PATL2: variants seen among roughly 807,000 people sequenced by gnomAD.
PATL2 encodes the protein protein PAT1 homolog 2.
Under a neutral mutation model 77.0 loss-of-function variants are expected in PATL2, and 73 were observed. That is an observed-to-expected ratio of 0.95 (90% CI 0.78 to 1.15). The LOEUF (loss-of-function observed/expected upper bound fraction) is 1.15, where lower values mean the gene tolerates loss of function less well. Among genes scored for constraint, PATL2 ranks in the 50% most tolerant of loss-of-function variants. The pLI, the probability that PATL2 is intolerant of heterozygous loss-of-function variation, is 0.00. For missense variants in PATL2, 618 were observed against 655.4 expected (o/e 0.94, Z 0.62); for synonymous variants, 265 against 257.1 (o/e 1.03, Z -0.29).
intron 9 of PATL2, among the ~76,000 whole-genome samples, 160 bp from the exon 10 acceptor site, chr15:44,670,247 G>A (rs2085605893): frequency 6.6e-6 from 1 of 152,180 alleles, no homozygotes; most frequent in African/African-American, 2.4e-5. Flanking sequence ...TCACCCAGCT[G>A]GAGTGCAGTG....
intron 3 of PATL2, among the ~76,000 whole-genome samples, chr15:44,680,793 G>A (rs897489213): frequency 2.0e-5 from 3 of 152,072 alleles, no homozygotes; most frequent in Admixed American, 6.6e-5. Context: ...TTATAGTGGT[G>A]GCAACAGGGA....
chr15:44,673,155 G>C, intron 7 of PATL2, 80 bp downstream of exon 7: 2 of 1,470,136 alleles, frequency 1.4e-6, no homozygotes, highest in Non-Finnish European at 1.8e-6. Flanking sequence ...GTGTTTCCCT[G>C]TGGCAACTGG....
intron 6 of PATL2, among the ~76,000 whole-genome samples, chr15:44,673,874 G>A (rs2085817189): frequency 6.6e-6 from 1 of 152,218 alleles, no homozygotes; most frequent in African/African-American, 2.4e-5. Context: ...GCCATCTGCT[G>A]AAAGATTGCC....
chr15:44,688,175 G>A (rs1423034051), intron 3 of PATL2, among the ~76,000 whole-genome samples: 1 of 151,004 alleles, frequency 6.6e-6, no homozygotes, highest in East Asian at 1.9e-4. Context: ...GAACCCGGGA[G>A]GCAGAGCTTG....
rs191319277 is a variant in PATL2 at position 44,678,615 on chromosome 15, G to C, written c.-75-2050C>G. ...CCACAGCCTGTTAGAGCTTCTTCTA[G>C]AATAAGAAGTACACACAGGTACACA... On this transcript the variant is annotated intron_variant, in intron 3 of 17. Coordinates refer to ENST00000682850, the MANE Select transcript of PATL2 (RefSeq NM_001387263.1). Among the ~76,000 whole-genome samples the C allele has an allele frequency of 2.6e-5, 4 of 152,194 alleles. No individual in the cohort carries two copies. In the East Asian group the frequency reaches 7.7e-4, roughly 29 times the overall value.
At position 44,669,573 on chromosome 15, in the gene PATL2, G is replaced by C; in HGVS notation, c.877-10C>G. Reference sequence around the variant, plus strand: ...TTGCAGCTTCTATATCCTAGGAGAAGGGAGTCACCAGCTATCAGCTACACT... The same window carrying C: ...TTGCAGCTTCTATATCCTAGGAGAACGGAGTCACCAGCTATCAGCTACACT... On this transcript the variant is annotated splice_polypyrimidine_tract_variant and intron_variant, in intron 11 of 17. Coordinates refer to ENST00000682850, the MANE Select transcript of PATL2 (RefSeq NM_001387263.1). 1 of 1,550,546 alleles carries C rather than the reference G, an allele frequency of 6.4e-7. No individual in the cohort carries two copies. The highest frequency in any genetic ancestry group is 1.2e-5 in the South Asian group (1 of 83,974).
intron 3 of PATL2, chr15:44,677,001 G>A: frequency 1.4e-6 from 1 of 696,928 alleles, no homozygotes; most frequent in Non-Finnish European, 1.8e-6. Flanking sequence ...TCCATCCATT[G>A]GGGCCTGATG....
chr15:44,701,752 G>C (rs1316112008), intron 3 of PATL2, among the ~76,000 whole-genome samples: 1 of 141,692 alleles, frequency 7.1e-6, no homozygotes, highest in Non-Finnish European at 1.6e-5. Context: ...AATTTACAAA[G>C]AAAAGAGTTT....
At chr15:44,676,717 A>C (rs1203101099) in intron 3 of PATL2, 152 bp from the exon 4 acceptor site, 1 of 1,214,672 alleles carries the variant, frequency 8.2e-7, no homozygotes, top group African/African-American at 1.5e-5. Context: ...AGACTGCCAT[A>C]AACACCCACC....
chr15:44,691,133 TGG>T (rs1289775171), intron 3 of PATL2, among the ~76,000 whole-genome samples: 1 of 152,112 alleles, frequency 6.6e-6, no homozygotes, highest in Admixed American at 6.5e-5. Context: ...AAAATATATT[TGG>T]TTATAAAAAA....
chr15:44,672,317 C>T (rs560999105), intron 8 of PATL2, 71 bp downstream of exon 8: 1 of 1,526,108 alleles, frequency 6.6e-7, no homozygotes, highest in Non-Finnish European at 8.9e-7. Flanking sequence ...TTGAGGGAGA[C>T]AACTGGTCAC....
chr15:44,708,367 T>G (rs2086783719), intron 3 of PATL2, among the ~76,000 whole-genome samples: 1 of 152,210 alleles, frequency 6.6e-6, no homozygotes, highest in Non-Finnish European at 1.5e-5. Flanking sequence ...TACAATATAT[T>G]ACACTTAAAG....
intron 3 of PATL2, among the ~76,000 whole-genome samples, chr15:44,685,391 G>A (rs932565126): frequency 2.6e-5 from 4 of 152,276 alleles, no homozygotes; most frequent in African/African-American, 7.2e-5. Context: ...GGTGGATCAC[G>A]AGGTCAAGAG....
At chr15:44,699,775 G>C (rs2086590339) in intron 3 of PATL2, among the ~76,000 whole-genome samples, 1 of 152,136 alleles carries the variant, frequency 6.6e-6, no homozygotes, top group Admixed American at 6.6e-5. Context: ...TCCAATGTAG[G>C]TTTTTGACAA....
chr15:44,700,126 T>A (rs535222119), intron 3 of PATL2, among the ~76,000 whole-genome samples: 37 of 152,308 alleles, frequency 2.4e-4, no homozygotes, highest in Non-Finnish European at 5.0e-4. Flanking sequence ...TCCCAATCCA[T>A]GAACATGGAA....
intron 3 of PATL2, among the ~76,000 whole-genome samples, chr15:44,680,959 G>C (rs1462676264): frequency 6.6e-6 from 1 of 152,160 alleles, no homozygotes; most frequent in Non-Finnish European, 1.5e-5. Flanking sequence ...GCTTGAAAAA[G>C]TATATCTGGA....
chr15:44,696,948 G>C (rs2086516577), intron 3 of PATL2, among the ~76,000 whole-genome samples: 1 of 152,128 alleles, frequency 6.6e-6, no homozygotes, highest in African/African-American at 2.4e-5. Flanking sequence ...CGCAAAGCCT[G>C]CACTTAACCA....
intron 3 of PATL2, among the ~76,000 whole-genome samples, chr15:44,707,617 T>C (rs1203971678): frequency 1.3e-5 from 2 of 152,104 alleles, no homozygotes; most frequent in South Asian, 2.1e-4. Flanking sequence ...GACAAACTCA[T>C]CTTTGTTCTT....
intron 3 of PATL2, among the ~76,000 whole-genome samples, chr15:44,707,559 T>A (rs2086765648): frequency 6.6e-6 from 1 of 152,142 alleles, no homozygotes; most frequent in Non-Finnish European, 1.5e-5. Context: ...GCCTCAGGAC[T>A]TTGCCTGGTG....
Sources: gnomAD v4.1 joint callset for allele counts (sites outside exome capture counted in the v4.1 genomes callset) on GRCh38, gnomAD v4.1.1 for gene constraint, MANE v1.5 for transcripts, NCBI Gene and HGNC (gene_info 2026-07-23, HGNC 2026-07-21) for gene names.